The following ACAP3 variants were observed in gnomAD, a reference collection of about 807,000 sequenced individuals.
ACAP3 encodes the protein ArfGAP with coiled-coil, ankyrin repeat and PH domains 3, also known as arf-GAP with coiled-coil, ANK repeat and PH domain-containing protein 3.
Under a neutral mutation model 104.1 loss-of-function variants are expected in ACAP3, and 56 were observed. The observed-to-expected ratio is 0.54, with a 90% CI of 0.43 to 0.67. The LOEUF (loss-of-function observed/expected upper bound fraction) is 0.67, where lower values mean the gene tolerates loss of function less well. Ranked by LOEUF, ACAP3 falls within the 30% of genes least tolerant of loss-of-function variation. The pLI is 0.00. For missense variants in ACAP3, 1,208 were observed against 1,174.9 expected (o/e 1.03, Z -0.41); for synonymous variants, 628 against 496.2 (o/e 1.27, Z -3.53).
At position 1,294,745 on chromosome 1, in the gene ACAP3, A is replaced by T. The variant is rs1641038770; in HGVS notation, c.1885T>A (p.Ser629Thr). The stretch of plus-strand genomic sequence containing the variant: ...TCCTCAGTGACGCTGTCCACCACAG[A>T]GCCCGAGCCGAAAGCCAGGACGTCC... ...SSDVLAFGSGSVVDSVTEEEG... is the reference protein window; with the variant it reads ...SSDVLAFGSGTVVDSVTEEEG... Residue 629 changes from serine to threonine, a missense_variant, in exon 20 of 24, where the codon TCT becomes ACT. Physicochemically the swap from Ser to Thr is moderately conservative, Grantham distance 58 (BLOSUM62 1). Transcript: ENST00000354700. The T allele has an allele frequency of 6.5e-7, 1 of 1,549,626 alleles. No individual in the cohort carries two copies. Among genetic ancestry groups the T allele is most frequent in the African/African-American group, 1.4e-5 (1 of 72,980 alleles).
intron 1 of ACAP3, among the ~76,000 whole-genome samples, chr1:1,306,830 T>C (rs1641733800): frequency 6.6e-6 from 1 of 152,272 alleles, no homozygotes; most frequent in South Asian, 2.1e-4. Context: ...CAAGGTGATG[T>C]GTCTATTGCT....
intron 5 of ACAP3, chr1:1,301,415 A>G (rs1224606923): frequency 1.4e-5 from 2 of 143,120 alleles, no homozygotes; most frequent in African/African-American, 2.6e-5. Flanking sequence ...ACGTGCCACC[A>G]TGCCCATCTA....
At chr1:1,301,845 C>T (rs776209109) in intron 5 of ACAP3, 143 bp downstream of exon 5, 77 of 742,682 alleles carry the variant, frequency 1.0e-4, no homozygotes, top group Non-Finnish European at 1.5e-4. Context: ...GGCTGTCTGC[C>T]TCTGAGCCTT....
rs745335912 is a variant in ACAP3, at chr1:1,303,215, C to A, written c.172G>T (p.Val58Leu). Residue 58 changes from valine to leucine, a missense_variant, in exon 3 of 24, where the codon GTG becomes TTG. Transcript: ENST00000354700. The surrounding 1 kb of genome is among the most constrained non-coding windows in gnomAD (Gnocchi z 4.0). ...TGGGACAGGTCGCGGACGCCGCTCA[C>A]GAAAAGCCTGCTGGTGCTGACGTAG... Reference protein sequence around the residue: ...KAYVSTSRLFVSGVRDLSQQC... With the variant: ...KAYVSTSRLFLSGVRDLSQQC... The A allele has an allele frequency of 6.2e-7, 1 of 1,607,538 alleles. No homozygotes were observed. Among genetic ancestry groups the A allele is most frequent in the Non-Finnish European group, 8.5e-7 (1 of 1,177,866 alleles).
Position 1,298,130 on chromosome 1 carries a change from T to G in ACAP3, c.916-17A>C, listed in dbSNP as rs375052031. 3 of 1,593,404 alleles carry G rather than the reference T, an allele frequency of 1.9e-6. No individual in the cohort carries two copies. The highest frequency in any genetic ancestry group is 2.3e-5 in the South Asian group (2 of 88,628). ...GAGGGCATCCTGTGGGCGGCACCGC[T>G]GTGGCCCCTGCCCTCAGCCACCACC... is the stretch of plus-strand genomic sequence containing the variant. On this transcript the variant is annotated splice_polypyrimidine_tract_variant and intron_variant, in intron 12 of 23. Transcript: ENST00000354700.
In ACAP3 at chr1:1,294,079, G is replaced by T. The variant is rs1640992760; in HGVS notation, c.2249+11C>A. ...CGGGGCACAGGGCGGGGCGTGGGTTGCGCGTCTCACCCGGTGCGGCCCAGC... is the reference window on the plus strand; with the variant it reads ...CGGGGCACAGGGCGGGGCGTGGGTTTCGCGTCTCACCCGGTGCGGCCCAGC... On this transcript the variant is annotated intron_variant, in intron 22 of 23. Coordinates refer to ENST00000354700, the MANE Select transcript of ACAP3 (RefSeq NM_030649.3). The T allele has an allele frequency of 6.4e-7, 1 of 1,556,858 alleles. No individual in the cohort carries two copies. Among genetic ancestry groups the T allele is most frequent in the Non-Finnish European group, 8.7e-7 (1 of 1,149,998 alleles).
intron 14 of ACAP3, among the ~76,000 whole-genome samples, chr1:1,296,883 G>A (rs1402912891): frequency 2.0e-5 from 3 of 151,776 alleles, no homozygotes; most frequent in Non-Finnish European, 4.4e-5. Flanking sequence ...GCACACGCAC[G>A]TACGTGTGCA....
rs1641157408 is a variant in ACAP3, at chr1:1,296,439, G to A, written c.1323C>T (p.Cys441=). The A allele has an allele frequency of 1.9e-6, 3 of 1,546,296 alleles. No homozygotes were observed. The highest frequency in any genetic ancestry group is 4.9e-5 in the East Asian group (2 of 40,928). The change falls in exon 15 of 24, where the codon TGC becomes TGT. Residue 441 remains cysteine (C), a synonymous_variant. Coordinates refer to ENST00000354700, the MANE Select transcript of ACAP3 (RefSeq NM_030649.3). ...INLGVLLCIE[C]SGIHRSLGVH... ...CAGGGGCCCACCTGTGGATGCCGGA[G>A]CACTCAATGCAGAGCAGCACGCCCA...
At chr1:1,300,785 T>C in intron 5 of ACAP3, 93 bp from the exon 6 acceptor site, 2 of 1,397,516 alleles carry the variant, frequency 1.4e-6, no homozygotes, top group Admixed American at 4.8e-5. Flanking sequence ...GTTTTTTGTT[T>C]TTTGAGACGG....
chr1:1,301,545 C>T (rs1311634355), intron 5 of ACAP3: 1 of 154,338 alleles, frequency 6.5e-6, no homozygotes, highest in Non-Finnish European at 1.4e-5. Flanking sequence ...AGGTGTGAGC[C>T]ACCATGCCCA....
chr1:1,294,950 G>C (rs546483206), intron 19 of ACAP3, 134 bp from the exon 20 acceptor site: 4 of 797,636 alleles, frequency 5.0e-6, no homozygotes, highest in South Asian at 1.8e-5. Context: ...ACCCAGGGCC[G>C]GGGGGAGCCA....
chr1:1,299,647 A>C, intron 9 of ACAP3, 184 bp downstream of exon 9: 2 of 770,192 alleles, frequency 2.6e-6, no homozygotes, highest in Non-Finnish European at 4.1e-6. Flanking sequence ...CAGCGGCCCC[A>C]CCCACACGTG....
In ACAP3 at chr1:1,294,155, G is replaced by A. The variant is rs1435144393; in HGVS notation, c.2184C>T (p.Asp728=). The A allele has an allele frequency of 3.8e-6, 6 of 1,596,948 alleles. No individual in the cohort carries two copies. In the South Asian group the frequency reaches 5.6e-5, roughly 15 times the overall value. Residue 728 remains aspartate (D), a synonymous_variant, in exon 22 of 24, where the codon GAC becomes GAT. Coordinates refer to ENST00000354700, the MANE Select transcript of ACAP3 (RefSeq NM_030649.3). The part of the protein sequence containing the change: ...VCEFLLQNGA[D]VNQRDSRGRA... Reference sequence around the variant, plus strand: ...GGCCCCGGCTGTCTCTTTGGTTCACGTCCGCTCCGTTTTGCAGCAGGAACT... The same window carrying A: ...GGCCCCGGCTGTCTCTTTGGTTCACATCCGCTCCGTTTTGCAGCAGGAACT...
At chr1:1,300,475 G>A in intron 6 of ACAP3, 34 bp downstream of exon 6, 1 of 1,580,924 alleles carries the variant, frequency 6.3e-7, no homozygotes, top group Non-Finnish European at 8.6e-7. Flanking sequence ...CGCTACAGCT[G>A]GTCCCCGCCC....
chr1:1,298,411 A>C lies in ACAP3; in HGVS notation c.874T>G (p.Ser292Ala), dbSNP rs367908671. Reference sequence around the variant, plus strand: ...TAGACCAGCTGGCTGTTCTGAATGGAGAACCAGCGCCTAGGTGGGTGGGGG... The same window carrying C: ...TAGACCAGCTGGCTGTTCTGAATGGCGAACCAGCGCCTAGGTGGGTGGGGG... The part of the protein sequence containing the change: ...AFKTWNRRWF[S>A]IQNSQLVYQK... Residue 292 changes from serine (S) to alanine (A), a missense_variant, in exon 12 of 24, where the codon TCC becomes GCC. Ser to Ala is a moderately conservative substitution (Grantham distance 99). Transcript: ENST00000354700. The C allele has an allele frequency of 3.1e-6, 5 of 1,601,390 alleles. No individual in the cohort carries two copies. Among genetic ancestry groups the C allele is most frequent in the East Asian group, 2.2e-5 (1 of 44,686 alleles).
intron 6 of ACAP3, 88 bp from the exon 7 acceptor site, chr1:1,300,290 G>T: frequency 1.4e-6 from 2 of 1,468,030 alleles, no homozygotes; most frequent in Admixed American, 2.3e-5. Context: ...TGAGCTGCTT[G>T]TGGTTCCCTG....
intron 10 of ACAP3, 175 bp downstream of exon 10, chr1:1,299,170 G>A (rs549543120): frequency 2.0e-5 from 17 of 832,982 alleles, no homozygotes; most frequent in Admixed American, 8.1e-5. Context: ...CCAACCCCAC[G>A]GGGAATGTGG....
chr1:1,307,323 TCC>T (rs1210143407), intron 1 of ACAP3: 15 of 1,289,150 alleles, frequency 1.2e-5, no homozygotes, highest in Non-Finnish European at 1.5e-5. Context: ...ACTTCACGTT[TCC>T]AAGCACCCTA....
chr1:1,298,749 G>T, intron 10 of ACAP3, 70 bp from the exon 11 acceptor site: 1 of 1,214,224 alleles, frequency 8.2e-7, no homozygotes. Context: ...CTTTCCCGGA[G>T]CACAGGTGGG....
Sources: allele counts gnomAD v4.1 joint callset (sites outside exome capture counted in the v4.1 genomes callset), GRCh38; gene constraint gnomAD v4.1.1; non-coding constraint Gnocchi (gnomAD v3.1); transcripts MANE v1.5; gene names NCBI Gene and HGNC (gene_info 2026-07-23, HGNC 2026-07-21).